The following CRYGS variants were observed in gnomAD, a reference collection of about 807,000 sequenced individuals.
CRYGS encodes gamma-crystallin S.
Under a neutral mutation model 21.3 loss-of-function variants are expected in CRYGS, and 13 were observed. The observed-to-expected ratio is 0.61, with a 90% CI of 0.40 to 0.97. CRYGS has a LOEUF of 0.97. Among genes scored for constraint, CRYGS ranks in the 50% least tolerant of loss-of-function variants. CRYGS has a pLI of 0.00. For missense variants in CRYGS, 205 were observed against 229.7 expected (o/e 0.89, Z 0.69); for synonymous variants, 67 against 75.0 (o/e 0.89, Z 0.55).
chr3:186,539,567 C>T lies in CRYGS; in HGVS notation c.52G>A (p.Gly18Ser). 6.2e-7 allele frequency: 1 copy of T among 1,614,064 alleles called. No homozygotes were observed. Among genetic ancestry groups the T allele is most frequent in the East Asian group, 2.2e-5 (1 of 44,892 alleles). ...TCGCAATCACAGTCATAGCGACGGC[C>T]TTGAAAATTTTTGTCTTCATAGAAA... ...ITFYEDKNFQGRRYDCDCDCA... is the reference protein window; with the variant it reads ...ITFYEDKNFQSRRYDCDCDCA... Residue 18 changes from glycine (G) to serine (S), a missense_variant, in exon 2 of 3, where the codon GGC becomes AGC. Physicochemically the swap from Gly to Ser is moderately conservative, Grantham distance 56. Coordinates refer to ENST00000307944, the MANE Select transcript of CRYGS (RefSeq NM_017541.4).
At position 186,538,491 on chromosome 3, in the gene CRYGS, C is replaced by A. The variant is rs1713977947; in HGVS notation, c.*205G>T. 1 of 627,564 alleles carries A rather than the reference C, an allele frequency of 1.6e-6. No individual in the cohort carries two copies. Among genetic ancestry groups the A allele is most frequent in the South Asian group, 1.9e-5 (1 of 52,034 alleles). 38.9% of individuals were successfully genotyped at this position (627,564 alleles called of 1,614,324 possible). The stretch of plus-strand genomic sequence containing the variant: ...ATCTCATTTTGTTTGGCACAAAGAT[C>A]TAGATTGGTGATCTGGCAGATGGGT... On this transcript the variant is annotated 3_prime_UTR_variant, in exon 3 of 3. Transcript: ENST00000307944.
chr3:186,543,151 C>T (rs1714106838), intron 1 of CRYGS, among the ~76,000 whole-genome samples: 1 of 152,056 alleles, frequency 6.6e-6, no homozygotes, highest in African/African-American at 2.4e-5. Context: ...TAAAAGACAT[C>T]TAACCTAGGC....
chr3:186,542,072 C>A (rs1714082707), intron 1 of CRYGS, among the ~76,000 whole-genome samples: 1 of 152,264 alleles, frequency 6.6e-6, no homozygotes, highest in Non-Finnish European at 1.5e-5. Context: ...ATAATACCAT[C>A]TATTTCACTT....
At chr3:186,543,027 A>C (rs1714104501) in intron 1 of CRYGS, among the ~76,000 whole-genome samples, 1 of 152,154 alleles carries the variant, frequency 6.6e-6, no homozygotes, top group Non-Finnish European at 1.5e-5. Flanking sequence ...GTACCTTCTG[A>C]CCTGATGCAA....
chr3:186,539,757 ACAACT>A, intron 1 of CRYGS, 160 bp from the exon 2 acceptor site: 1 of 798,466 alleles, frequency 1.3e-6, no homozygotes. Flanking sequence ...TTTCTGACAG[ACAACT>A]TCAGTTGTCA....
chr3:186,541,885 C>A (rs1714076900), intron 1 of CRYGS, among the ~76,000 whole-genome samples: 1 of 152,192 alleles, frequency 6.6e-6, no homozygotes, highest in African/African-American at 2.4e-5. Flanking sequence ...TGGGCCTAAG[C>A]CTCAGGGGCT....
chr3:186,539,219 T>G, intron 2 of CRYGS, 136 bp downstream of exon 2: 1 of 1,242,068 alleles, frequency 8.1e-7, no homozygotes, highest in Non-Finnish European at 1.2e-6. Flanking sequence ...CTCTAAGATG[T>G]TACTCAAGCC....
At position 186,544,305 on chromosome 3, in the gene CRYGS, C is replaced by T. The variant is rs1439796107; in HGVS notation, c.21+1G>A. 6.2e-7 allele frequency: 1 copy of T among 1,602,682 alleles called. No individual in the cohort carries two copies. The highest frequency in any genetic ancestry group is 1.3e-5 in the African/African-American group (1 of 74,658). On this transcript the variant is annotated splice_donor_variant, in intron 1 of 2. Transcript: ENST00000307944. LOFTEE classifies it high-confidence loss of function. ...GGCTAAAAATCAATATGACTACTTA[C>T]CTTGGTTCCAGTTTTAGACATTTTT...
In CRYGS at chr3:186,539,441, A is replaced by G; in HGVS notation, c.178T>C (p.Tyr60His). The G allele has an allele frequency of 1.9e-6, 3 of 1,612,676 alleles. No homozygotes were observed. The highest frequency in any genetic ancestry group is 2.5e-6 in the Non-Finnish European group (3 of 1,180,026). ...GGGTACTCTCCCTGTGGTAAGATGT[A>G]CATGTACCCAGCAAAGTTGGGCCTT... ...YERPNFAGYMYILPQGEYPEY... is the reference protein window; with the variant it reads ...YERPNFAGYMHILPQGEYPEY... The change falls in exon 2 of 3, where the codon TAC becomes CAC. Residue 60 changes from tyrosine to histidine, a missense_variant. Transcript: ENST00000307944.
chr3:186,542,720 C>T (rs1193915238), intron 1 of CRYGS, among the ~76,000 whole-genome samples: 6 of 152,062 alleles, frequency 3.9e-5, no homozygotes, highest in East Asian at 1.9e-4. Context: ...ACTAAATGAA[C>T]GACTCATCTA....
intron 1 of CRYGS, 43 bp downstream of exon 1, chr3:186,544,263 T>G: frequency 1.4e-6 from 2 of 1,446,092 alleles, no homozygotes; most frequent in South Asian, 2.3e-5. Flanking sequence ...AATGCATCAT[T>G]AGGTGAAAAG....
intron 1 of CRYGS, 49 bp downstream of exon 1, chr3:186,544,257 C>A (rs1196881007): frequency 7.5e-7 from 1 of 1,341,176 alleles, no homozygotes; most frequent in Non-Finnish European, 1.1e-6. Flanking sequence ...GTGTTGAATG[C>A]ATCATTAGGT....
At chr3:186,540,736 T>C (rs917195416) in intron 1 of CRYGS, 9 of 978,814 alleles carry the variant, frequency 9.2e-6, no homozygotes, top group South Asian at 4.7e-5. Context: ...GAAAACTATG[T>C]GAGTCATTTC....
chr3:186,540,200 A>G (rs941880473), intron 1 of CRYGS: 4 of 153,264 alleles, frequency 2.6e-5, no homozygotes, highest in African/African-American at 9.6e-5. Context: ...GTAGTTGCAA[A>G]GTAACAAAAT....
chr3:186,540,527 A>G (rs904639220), intron 1 of CRYGS: 2 of 152,750 alleles, frequency 1.3e-5, no homozygotes, highest in African/African-American at 4.8e-5. Flanking sequence ...AACCACGATG[A>G]AAACTACAAA....
At chr3:186,542,552 G>C (rs1227790519) in intron 1 of CRYGS, among the ~76,000 whole-genome samples, 1 of 152,128 alleles carries the variant, frequency 6.6e-6, no homozygotes, top group Non-Finnish European at 1.5e-5. Flanking sequence ...GAGTATCCCA[G>C]AAGTAATGAA....
At chr3:186,543,600 T>A (rs1039489365) in intron 1 of CRYGS, among the ~76,000 whole-genome samples, 1 of 152,214 alleles carries the variant, frequency 6.6e-6, no homozygotes, top group Non-Finnish European at 1.5e-5. Context: ...ATTCAACATT[T>A]CTTTGCCATT....
chr3:186,539,363 C>T lies in CRYGS; in HGVS notation c.256G>A (p.Val86Ile), dbSNP rs1252851700. 1 of 1,612,080 alleles carries T rather than the reference C, an allele frequency of 6.2e-7. No individual in the cohort carries two copies. Among genetic ancestry groups the T allele is most frequent in the Non-Finnish European group, 8.5e-7 (1 of 1,180,002 alleles). Residue 86 changes from valine (V) to isoleucine (I), a missense_variant, in exon 2 of 3, where the codon GTT becomes ATT. Val to Ile is a conservative substitution (Grantham distance 29). Coordinates refer to ENST00000307944, the MANE Select transcript of CRYGS (RefSeq NM_017541.4). Reference sequence around the variant, plus strand: ...ACAGTCCCCAGACTCACCAGATGAACAGCTCTGCAGGAGCTGAGGCGGTCG... The same window carrying T: ...ACAGTCCCCAGACTCACCAGATGAATAGCTCTGCAGGAGCTGAGGCGGTCG... Reference protein sequence around the residue: ...LNDRLSSCRAVHLPSGGQYKI... With the variant: ...LNDRLSSCRAIHLPSGGQYKI...
intron 1 of CRYGS, among the ~76,000 whole-genome samples, chr3:186,542,396 G>A (rs760820034): frequency 1.3e-5 from 2 of 152,202 alleles, no homozygotes; most frequent in Admixed American, 6.5e-5. Context: ...TAGAGGTTTT[G>A]ACCTTTGGGC....
Sources: gnomAD v4.1 joint callset for allele counts (sites outside exome capture counted in the v4.1 genomes callset) on GRCh38, gnomAD v4.1.1 for gene constraint, MANE v1.5 for transcripts, NCBI Gene and HGNC (gene_info 2026-07-23, HGNC 2026-07-21) for gene names.